Variants in SIPA1L1 observed in about 807,000 individuals in gnomAD.
The protein encoded by SIPA1L1 is signal induced proliferation associated 1 like 1.
Under a neutral mutation model 162.7 loss-of-function variants are expected in SIPA1L1, and 26 were observed. That is an observed-to-expected ratio of 0.16 (90% CI 0.12 to 0.22). The LOEUF is 0.22. Among genes scored for constraint, SIPA1L1 ranks in the 10% least tolerant of loss-of-function variants. The pLI, the probability that SIPA1L1 is intolerant of heterozygous loss-of-function variation, is 1.00. For missense variants in SIPA1L1, 1,874 were observed against 2,241.0 expected, an observed-to-expected ratio of 0.84 and a Z score of 3.31; for synonymous variants, 829 against 837.4, an observed-to-expected ratio of 0.99 and a Z score of 0.17.
chr14:71,641,669 G>A (rs961128196), intron 7 of SIPA1L1, among the ~76,000 whole-genome samples: 2 of 152,234 alleles, frequency 1.3e-5, no homozygotes, highest in African/African-American at 4.8e-5. Context: ...CTTGCAGTGA[G>A]CCGAGATGGA....
chr14:71,665,531 A>C (rs552902333), intron 10 of SIPA1L1, among the ~76,000 whole-genome samples: 2 of 152,324 alleles, frequency 1.3e-5, no homozygotes, highest in Admixed American at 1.3e-4. Context: ...TTGATAGAGA[A>C]GATTAGAAGC....
intron 2 of SIPA1L1, among the ~76,000 whole-genome samples, chr14:71,506,811 G>A (rs937090209): frequency 8.1e-5 from 12 of 147,662 alleles, no homozygotes; most frequent in South Asian, 2.2e-4. Flanking sequence ...TATCTATTTT[G>A]TAATCTTTTT....
chr14:71,366,901 C>T (rs1056490865), intron 2 of SIPA1L1, among the ~76,000 whole-genome samples: 1 of 152,054 alleles, frequency 6.6e-6, no homozygotes, highest in African/African-American at 2.4e-5. Context: ...TAACCTAGTG[C>T]GTTTATTAGC....
At chr14:71,502,251 A>ATATATAT (rs1555440954) in intron 2 of SIPA1L1, among the ~76,000 whole-genome samples, 1,619 of 60,538 alleles carry the variant, frequency 0.027, 18 homozygotes, top group Non-Finnish European at 0.039. Context: ...TGAAAAAAAA[A>ATATATAT]AAAAATATAT....
intron 5 of SIPA1L1, among the ~76,000 whole-genome samples, chr14:71,610,552 A>G (rs2038086880): frequency 6.6e-6 from 1 of 152,220 alleles, no homozygotes; most frequent in African/African-American, 2.4e-5. Context: ...CAGTTTTTAA[A>G]AATATAACTA....
chr14:71,385,496 C>T (rs574997980), intron 2 of SIPA1L1, among the ~76,000 whole-genome samples: 1 of 152,214 alleles, frequency 6.6e-6, no homozygotes, highest in South Asian at 2.1e-4. Context: ...TATTGAATAG[C>T]TCTATCCAAT....
intron 2 of SIPA1L1, among the ~76,000 whole-genome samples, chr14:71,420,067 A>G (rs2043075214): frequency 6.6e-6 from 1 of 152,190 alleles, no homozygotes; most frequent in Non-Finnish European, 1.5e-5. Flanking sequence ...TATAAGGTAG[A>G]TATTCTGTGT....
At chr14:71,654,414 A>G (rs1315610929) in intron 8 of SIPA1L1, among the ~76,000 whole-genome samples, 1 of 152,114 alleles carries the variant, frequency 6.6e-6, no homozygotes, top group East Asian at 1.9e-4. Flanking sequence ...ATTTTTAGCT[A>G]CGTACGTGGA....
chr14:71,382,049 G>T (rs906929310), intron 2 of SIPA1L1, among the ~76,000 whole-genome samples: 8 of 152,294 alleles, frequency 5.3e-5, no homozygotes, highest in Admixed American at 2.0e-4. Flanking sequence ...CCTTGAGTGT[G>T]CTTAAATGTG....
Position 71,738,498 on chromosome 14 carries a change from G to A in SIPA1L1, c.5208+173G>A, listed in dbSNP as rs115927650. Among the ~76,000 whole-genome samples, 235 of 152,270 alleles carry A rather than the reference G, an allele frequency of 1.5e-3. 2 individuals carry two copies. Among genetic ancestry groups the A allele is most frequent in the African/African-American group, 5.2e-3 (217 of 41,550 alleles). ...ACTGGAACACACAGCATGAGGAGGC[G>A]TTCGGTGTCCGGTGTACAGAAAAAC... On this transcript the variant is annotated intron_variant, in intron 23 of 23. Transcript: ENST00000381232.
At chr14:71,709,115 A>C (rs1222611590) in intron 16 of SIPA1L1, 107 bp from the exon 17 acceptor site, 1 of 854,878 alleles carries the variant, frequency 1.2e-6, no homozygotes, top group Non-Finnish European at 1.8e-6. Context: ...TGGAACTTTT[A>C]GGCCTTCAGA....
chr14:71,455,779 T>G (rs979930234), intron 2 of SIPA1L1, among the ~76,000 whole-genome samples: 4 of 152,200 alleles, frequency 2.6e-5, no homozygotes, highest in African/African-American at 9.6e-5. Context: ...AACCTACATA[T>G]GTTTGCTTTC....
intron 2 of SIPA1L1, among the ~76,000 whole-genome samples, chr14:71,439,671 C>G (rs145710269): frequency 0.018 from 2,691 of 152,182 alleles, 73 homozygotes; most frequent in African/African-American, 0.062. Context: ...TCTTTTTTCC[C>G]CTACATTTTT....
intron 5 of SIPA1L1, among the ~76,000 whole-genome samples, chr14:71,605,441 G>GT (rs1350189760): frequency 6.6e-6 from 1 of 152,016 alleles, no homozygotes; most frequent in Non-Finnish European, 1.5e-5. Flanking sequence ...ATATTTCTTA[G>GT]TTTTTTCATG....
intron 5 of SIPA1L1, among the ~76,000 whole-genome samples, chr14:71,608,360 C>T (rs1050241234): frequency 3.9e-5 from 6 of 152,166 alleles, no homozygotes; most frequent in Non-Finnish European, 8.8e-5. Flanking sequence ...CATAGGAAGA[C>T]ATCTTGCTGC....
intron 2 of SIPA1L1, among the ~76,000 whole-genome samples, chr14:71,442,009 T>C (rs573572205): frequency 1.2e-4 from 18 of 151,246 alleles, no homozygotes; most frequent in African/African-American, 4.1e-4. Context: ...TCGTCTTCAC[T>C]AAAAATACAA....
intron 2 of SIPA1L1, among the ~76,000 whole-genome samples, chr14:71,378,993 G>A (rs1451463290): frequency 6.6e-6 from 1 of 152,068 alleles, no homozygotes; most frequent in African/African-American, 2.4e-5. Flanking sequence ...TCCCCTTATT[G>A]ATCTAGTTCT....
chr14:71,613,431 T>C (rs187860339), intron 5 of SIPA1L1, among the ~76,000 whole-genome samples: 6 of 152,264 alleles, frequency 3.9e-5, no homozygotes, highest in Non-Finnish European at 7.4e-5. Context: ...CTTTGCTGCA[T>C]TATATCATTC....
chr14:71,577,991 G>A (rs1567233359), intron 4 of SIPA1L1, among the ~76,000 whole-genome samples: 1 of 151,992 alleles, frequency 6.6e-6, no homozygotes, highest in African/African-American at 2.4e-5. Flanking sequence ...CCTCACTGCA[G>A]CCTCTGCTGC....
Sources: allele counts gnomAD v4.1 joint callset (sites outside exome capture counted in the v4.1 genomes callset), GRCh38; gene constraint gnomAD v4.1.1; transcripts MANE v1.5; gene names NCBI Gene and HGNC (gene_info 2026-07-23, HGNC 2026-07-21).